Variants in SOX5 observed in about 807,000 individuals in gnomAD.
SOX5 encodes SRY-box transcription factor 5, also known as transcription factor SOX-5.
In SOX5, 9 loss-of-function variants were observed where a neutral mutation model predicts 92.0. The ratio of observed to expected loss-of-function variants is 0.10; its 90% CI spans 0.06 to 0.17. SOX5 has a LOEUF of 0.17. Ranked by LOEUF, SOX5 falls within the 10% of genes least tolerant of loss-of-function variation. The probability of loss-of-function intolerance (pLI) is 1.00; values close to 1 mark genes in which losing one functional copy is unlikely to be tolerated. For synonymous variants in SOX5, 344 were observed against 336.3 expected, an observed-to-expected ratio of 1.02 and a Z score of -0.25; for missense variants, 642 against 944.5, an observed-to-expected ratio of 0.68 and a Z score of 4.20.
At chr12:23,988,053 T>C (rs1274047599) in intron 4 of SOX5, among the ~76,000 whole-genome samples, 1 of 152,290 alleles carries the variant, frequency 6.6e-6, no homozygotes, top group Non-Finnish European at 1.5e-5. Flanking sequence ...GCATTATCTT[T>C]TGGGGATAGT....
intron 8 of SOX5, among the ~76,000 whole-genome samples, chr12:23,609,509 T>C (rs2075690645): frequency 6.6e-6 from 1 of 152,046 alleles, no homozygotes; most frequent in African/African-American, 2.4e-5. Flanking sequence ...ACATAAAAAT[T>C]GCCAATTAAC....
chr12:24,316,198 T>G (rs1949682850), intron 2 of SOX5, among the ~76,000 whole-genome samples: 1 of 152,160 alleles, frequency 6.6e-6, no homozygotes, highest in Non-Finnish European at 1.5e-5. Context: ...GTGGCTGGTT[T>G]AATCTTTAGC....
At chr12:24,153,860 T>TACAC (rs35435417) in intron 4 of SOX5, among the ~76,000 whole-genome samples, 10 of 151,576 alleles carry the variant, frequency 6.6e-5, no homozygotes, top group African/African-American at 1.5e-4. Context: ...CTCACTTGAA[T>TACAC]ACACACACAC....
chr12:24,511,741 A>G (rs1032740070), intron 1 of SOX5, among the ~76,000 whole-genome samples: 8 of 152,034 alleles, frequency 5.3e-5, no homozygotes, highest in African/African-American at 1.2e-4. Context: ...GGCGGATCAC[A>G]AGGTCAGGAG....
At chr12:23,782,619 A>G (rs954611063) in intron 3 of SOX5, among the ~76,000 whole-genome samples, 2 of 152,182 alleles carry the variant, frequency 1.3e-5, no homozygotes, top group Non-Finnish European at 2.9e-5. Context: ...TTGAAGGTGC[A>G]TTTACTACAA....
chr12:23,836,487 C>T (rs1046831264), intron 3 of SOX5, among the ~76,000 whole-genome samples: 4 of 152,082 alleles, frequency 2.6e-5, no homozygotes, highest in African/African-American at 9.6e-5. Flanking sequence ...GAAAAATAGG[C>T]TGGCTAAAAT....
chr12:23,706,082 G>A (rs2091352028), intron 6 of SOX5, among the ~76,000 whole-genome samples: 2 of 151,864 alleles, frequency 1.3e-5, no homozygotes, highest in Non-Finnish European at 2.9e-5. Flanking sequence ...ACTTGGAATA[G>A]CACTGATATT....
At chr12:24,226,588 A>G (rs928224142) in intron 3 of SOX5, among the ~76,000 whole-genome samples, 2 of 152,162 alleles carry the variant, frequency 1.3e-5, no homozygotes, top group African/African-American at 4.8e-5. Flanking sequence ...CTCCTGCCTC[A>G]ACCTCTGGAG....
Position 23,575,671 on chromosome 12 carries a change from A to G in SOX5, c.1332T>C (p.Val444=). 6.2e-7 allele frequency: 1 copy of G among 1,614,170 alleles called. No individual in the cohort carries two copies. Residue 444 remains valine, a synonymous_variant, in exon 10 of 15, where the codon GTT becomes GTC. Coordinates refer to ENST00000451604, the MANE Select transcript of SOX5 (RefSeq NM_006940.6). ...AGAAACAGAACTTACCTATTGTGCTAACTCTGGCTGAAGGACTAGCTAACG... is the reference window on the plus strand; with the variant it reads ...AGAAACAGAACTTACCTATTGTGCTGACTCTGGCTGAAGGACTAGCTAACG... ...PAALASPSAR[V]STIGYLNDHD...
At chr12:24,247,463 G>A (rs1939059841) in intron 3 of SOX5, among the ~76,000 whole-genome samples, 1 of 151,960 alleles carries the variant, frequency 6.6e-6, no homozygotes. Context: ...TTTATGCTAA[G>A]GCCCAGGAAT....
At chr12:24,075,967 T>C (rs1278912895) in intron 4 of SOX5, among the ~76,000 whole-genome samples, 2 of 152,124 alleles carry the variant, frequency 1.3e-5, no homozygotes, top group African/African-American at 2.4e-5. Flanking sequence ...ACTCAACACT[T>C]AGATATGGAG....
chr12:24,502,579 T>C (rs1948323682), intron 1 of SOX5, among the ~76,000 whole-genome samples: 1 of 152,066 alleles, frequency 6.6e-6, no homozygotes, highest in Admixed American at 6.6e-5. Context: ...AAGGGGGTAA[T>C]ACAAAATCTC....
rs1938888739 is a variant in SOX5, at chr12:23,530,832, CG to C, written c.*3386del. 1 of 17,784 alleles carries C rather than the reference CG, an allele frequency of 5.6e-5. No individual in the cohort carries two copies. The highest frequency in any genetic ancestry group is 2.0e-4 in the Non-Finnish European group (1 of 5,118). The allele number at this position is 17,784 out of a possible 1,614,324, so 1.1% of individuals were successfully genotyped here. ...GTGTGTGTGTGTGCGCGCGCGCGCG[CG>C]CGCATGTGAGAGAGAGAGAGAAAGG... On this transcript the variant is annotated 3_prime_UTR_variant, in exon 15 of 15. Coordinates refer to ENST00000451604, the MANE Select transcript of SOX5 (RefSeq NM_006940.6).
rs193082761 is a variant in SOX5, at chr12:23,737,488, C to T, written c.742-2736G>A. Among the ~76,000 whole-genome samples the T allele has an allele frequency of 3.1e-4, 47 of 152,120 alleles. 2 individuals are homozygous for T. The East Asian group carries it at 8.1e-3, about 26-fold the overall frequency. The stretch of plus-strand genomic sequence containing the variant: ...CTGGGAGGTGGAGGTTGCAGTGAGC[C>T]AAGATCACGCCATTGCACTCCAGCC... On this transcript the variant is annotated intron_variant, in intron 5 of 14. Coordinates refer to ENST00000451604, the MANE Select transcript of SOX5 (RefSeq NM_006940.6).
At chr12:24,370,494 A>G (rs893415943) in intron 1 of SOX5, among the ~76,000 whole-genome samples, 2 of 151,472 alleles carry the variant, frequency 1.3e-5, no homozygotes, top group African/African-American at 4.8e-5. Flanking sequence ...AAAAAAAAAA[A>G]AGATGTATTG....
intron 2 of SOX5, among the ~76,000 whole-genome samples, chr12:24,326,489 C>T (rs1409727030): frequency 6.6e-6 from 1 of 152,094 alleles, no homozygotes; most frequent in East Asian, 1.9e-4. Flanking sequence ...AGACTGTAAG[C>T]TTCTTTGTCA....
At chr12:24,425,510 T>A (rs1566131456) in intron 1 of SOX5, among the ~76,000 whole-genome samples, 1 of 152,226 alleles carries the variant, frequency 6.6e-6, no homozygotes. Context: ...ATTGCAAAGC[T>A]GGCATAACAT....
chr12:23,641,538 TA>T (rs2080064008), intron 7 of SOX5, among the ~76,000 whole-genome samples: 3 of 152,164 alleles, frequency 2.0e-5, no homozygotes, highest in Admixed American at 2.0e-4. Context: ...TTTTATCTAT[TA>T]AAAAAGCACA....
chr12:23,808,783 G>A (rs1279818150), intron 3 of SOX5, among the ~76,000 whole-genome samples: 1 of 152,020 alleles, frequency 6.6e-6, no homozygotes, highest in South Asian at 2.1e-4. Context: ...AATGTCTTTA[G>A]TTTTTCTGTA....
Sources: allele counts gnomAD v4.1 joint callset (sites outside exome capture counted in the v4.1 genomes callset), GRCh38; gene constraint gnomAD v4.1.1; transcripts MANE v1.5; gene names NCBI Gene and HGNC (gene_info 2026-07-23, HGNC 2026-07-21).